FHIP1A: variants seen among roughly 807,000 people sequenced by gnomAD.
The protein encoded by FHIP1A is FHF complex subunit HOOK-interacting protein 1A.
In FHIP1A, 61 loss-of-function variants were observed where a neutral mutation model predicts 88.6. The observed-to-expected ratio is 0.69, with a 90% CI of 0.56 to 0.85. The LOEUF (loss-of-function observed/expected upper bound fraction) is 0.85, where lower values mean the gene tolerates loss of function less well. Ranked by LOEUF, FHIP1A falls within the 40% of genes least tolerant of loss-of-function variation. FHIP1A has a pLI of 0.00. For missense variants in FHIP1A, 1,154 were observed against 1,273.5 expected (o/e 0.91, Z 1.43); for synonymous variants, 478 against 496.0 (o/e 0.96, Z 0.48).
Position 151,650,543 on chromosome 4 carries a change from T to C in FHIP1A, c.2502T>C (p.Ala834=). Residue 834 remains alanine (A), a synonymous_variant, in exon 11 of 14, where the codon GCT becomes GCC. Transcript: ENST00000435205. Reference sequence around the variant, plus strand: ...CCCCATTTGTGGGGAGAGATGAGGCTGCCTTTGCCAGTCGCCATCCCGTGA... The same window carrying C: ...CCCCATTTGTGGGGAGAGATGAGGCCGCCTTTGCCAGTCGCCATCCCGTGA... ...VPSPFVGRDE[A]AFASRHPVRT... 2 of 1,551,422 alleles carry C rather than the reference T, an allele frequency of 1.3e-6. No homozygotes were observed. Among genetic ancestry groups the C allele is most frequent in the African/African-American group, 1.4e-5 (1 of 73,176 alleles).
intron 8 of FHIP1A, among the ~76,000 whole-genome samples, chr4:151,631,913 A>C (rs1736172111): frequency 6.6e-6 from 1 of 152,168 alleles, no homozygotes; most frequent in Admixed American, 6.5e-5. Context: ...GACACACAGA[A>C]AACAACAAAA....
intron 9 of FHIP1A, among the ~76,000 whole-genome samples, chr4:151,642,970 G>A (rs1736647858): frequency 6.7e-6 from 1 of 150,040 alleles, no homozygotes; most frequent in African/African-American, 2.4e-5. Context: ...CTGTGTTGGG[G>A]GATGGCTTTG....
Position 151,656,816 on chromosome 4 carries a change from C to T in FHIP1A, c.2787C>T (p.Phe929=). 1 of 1,551,652 alleles carries T rather than the reference C, an allele frequency of 6.4e-7. No homozygotes were observed. The highest frequency in any genetic ancestry group is 8.7e-7 in the Non-Finnish European group (1 of 1,146,962). Residue 929 remains phenylalanine, a synonymous_variant, in exon 13 of 14, where the codon TTC becomes TTT. Coordinates refer to ENST00000435205, the MANE Select transcript of FHIP1A (RefSeq NM_001109977.3). The surrounding 1 kb of genome is among the most constrained non-coding windows in gnomAD (Gnocchi z 4.2). ...AGTTTGCTTCTGTGGAGAGAGACTTCCCAGGGCTCCTCATTCAAGCTCAGC... is the reference window on the plus strand; with the variant it reads ...AGTTTGCTTCTGTGGAGAGAGACTTTCCAGGGCTCCTCATTCAAGCTCAGC... ...IEQFASVERD[F]PGLLIQAQQY... is the part of the protein sequence containing the mutation.
In FHIP1A at chr4:151,422,379, A is replaced by AT. The variant is rs113695700; in HGVS notation, c.-356+12914_-356+12915insT. The stretch of plus-strand genomic sequence containing the variant: ...GGGTTTGCCTCCTTTGAAAAAAAAA[A>AT]ATATATATATGCATTTTTTTAATGA... On this transcript the variant is annotated intron_variant, in intron 1 of 13. Transcript: ENST00000435205. 1.0e-3 allele frequency among the ~76,000 whole-genome samples: 158 copies of AT among 151,130 alleles called. 1 individual carries two copies. The highest frequency in any genetic ancestry group is 2.7e-3 in the East Asian group (14 of 5,114).
chr4:151,639,730 G>A lies in FHIP1A; in HGVS notation c.1226+974G>A, dbSNP rs890405032. 7.2e-5 allele frequency among the ~76,000 whole-genome samples: 11 copies of A among 152,168 alleles called. 1 individual carries two copies. Among genetic ancestry groups the A allele is most frequent in the Non-Finnish European group, 1.3e-4 (9 of 68,028 alleles). On this transcript the variant is annotated intron_variant, in intron 9 of 13. Coordinates refer to ENST00000435205, the MANE Select transcript of FHIP1A (RefSeq NM_001109977.3). The stretch of plus-strand genomic sequence containing the variant: ...AAGGGCTAGGGCTGAGAGGAGCTCC[G>A]AGTTGCGAGGGTTTGTGCTCTTACA...
intron 1 of FHIP1A, among the ~76,000 whole-genome samples, chr4:151,413,334 C>G (rs1287864979): frequency 6.6e-6 from 1 of 152,104 alleles, no homozygotes; most frequent in East Asian, 1.9e-4. Flanking sequence ...GTTGAAGGAC[C>G]TTCTTTCGGA....
intron 2 of FHIP1A, among the ~76,000 whole-genome samples, chr4:151,468,510 G>C (rs1729405442): frequency 6.6e-6 from 1 of 152,056 alleles, no homozygotes; most frequent in African/African-American, 2.4e-5. Flanking sequence ...CATTCTTCTT[G>C]CTTTGCTATG....
intron 1 of FHIP1A, among the ~76,000 whole-genome samples, chr4:151,425,383 A>G (rs993320311): frequency 6.6e-6 from 1 of 152,210 alleles, no homozygotes; most frequent in Non-Finnish European, 1.5e-5. Context: ...TAAGAGACAT[A>G]TTAACCATGT....
chr4:151,539,072 G>T (rs1455720058), intron 3 of FHIP1A, among the ~76,000 whole-genome samples: 5 of 152,156 alleles, frequency 3.3e-5, no homozygotes, highest in African/African-American at 1.2e-4. Flanking sequence ...AAACTCTGGG[G>T]ATAACCTTAG....
intron 4 of FHIP1A, among the ~76,000 whole-genome samples, chr4:151,567,651 A>C (rs1419916064): frequency 2.6e-5 from 4 of 152,182 alleles, no homozygotes; most frequent in Non-Finnish European, 5.9e-5. Flanking sequence ...CTAAGGAATG[A>C]GCCCAGTAGT....
intron 5 of FHIP1A, among the ~76,000 whole-genome samples, chr4:151,580,056 A>G (rs1733962962): frequency 6.6e-6 from 1 of 152,212 alleles, no homozygotes; most frequent in African/African-American, 2.4e-5. Context: ...ACTAGTATCC[A>G]GTTCTCCTAC....
intron 3 of FHIP1A, among the ~76,000 whole-genome samples, chr4:151,536,429 T>C (rs1452763226): frequency 1.3e-5 from 2 of 152,182 alleles, no homozygotes; most frequent in African/African-American, 4.8e-5. Flanking sequence ...TGCCCTCTTA[T>C]AATCACACCA....
chr4:151,515,540 T>C (rs1202352408), intron 3 of FHIP1A, among the ~76,000 whole-genome samples: 2 of 152,190 alleles, frequency 1.3e-5, no homozygotes, highest in Non-Finnish European at 2.9e-5. Flanking sequence ...GACATGATTG[T>C]ATATCTAGAA....
intron 4 of FHIP1A, among the ~76,000 whole-genome samples, chr4:151,574,740 A>G (rs1203953319): frequency 6.6e-6 from 1 of 152,170 alleles, no homozygotes; most frequent in Non-Finnish European, 1.5e-5. Flanking sequence ...TCTCATTTAT[A>G]TCTCTTTAGA....
At position 151,588,879 on chromosome 4, in the gene FHIP1A, A is replaced by G; in HGVS notation, c.931A>G (p.Ile311Val). The G allele has an allele frequency of 1.9e-6, 3 of 1,551,398 alleles. No homozygotes were observed. The highest frequency in any genetic ancestry group is 1.7e-6 in the Non-Finnish European group (2 of 1,146,828). The change falls in exon 7 of 14, where the codon ATT (isoleucine) becomes GTT (valine). Residue 311 changes from isoleucine (I) to valine (V), a missense_variant. Ile to Val is a conservative substitution (Grantham distance 29). Coordinates refer to ENST00000435205, the MANE Select transcript of FHIP1A (RefSeq NM_001109977.3). Reference sequence around the variant, plus strand: ...GATTCGAAATCAGCTTGTCAATTACATTTACAATGGATTTTTGGTACCAGT... The same window carrying G: ...GATTCGAAATCAGCTTGTCAATTACGTTTACAATGGATTTTTGGTACCAGT... Reference protein sequence around the residue: ...PLIRNQLVNYIYNGFLVPVLA... With the variant: ...PLIRNQLVNYVYNGFLVPVLA...
At chr4:151,444,857 A>G (rs557648852) in intron 1 of FHIP1A, among the ~76,000 whole-genome samples, 1 of 152,296 alleles carries the variant, frequency 6.6e-6, no homozygotes, top group African/African-American at 2.4e-5. Context: ...TTTTTACTGT[A>G]TACTCATAGA....
chr4:151,504,937 A>C (rs1353967597), intron 3 of FHIP1A, among the ~76,000 whole-genome samples: 2 of 152,156 alleles, frequency 1.3e-5, no homozygotes, highest in Non-Finnish European at 2.9e-5. Flanking sequence ...ATTTTAACTC[A>C]TAAAATAGAA....
intron 1 of FHIP1A, among the ~76,000 whole-genome samples, chr4:151,430,188 G>A (rs536759188): frequency 1.3e-5 from 2 of 152,332 alleles, no homozygotes; most frequent in South Asian, 4.1e-4. Context: ...GAGGTGGAGG[G>A]ATGTGTTTTA....
chr4:151,503,466 T>C (rs1730719765), intron 3 of FHIP1A, among the ~76,000 whole-genome samples: 1 of 152,198 alleles, frequency 6.6e-6, no homozygotes, highest in South Asian at 2.1e-4. Flanking sequence ...GAGAGGTTTT[T>C]GGCTCTGGAG....
Sources: allele counts gnomAD v4.1 joint callset (sites outside exome capture counted in the v4.1 genomes callset), GRCh38; gene constraint gnomAD v4.1.1; non-coding constraint Gnocchi (gnomAD v3.1); transcripts MANE v1.5; gene names NCBI Gene and HGNC (gene_info 2026-07-23, HGNC 2026-07-21).